Variants in CSMD1 observed in about 807,000 individuals in gnomAD.
The protein encoded by CSMD1 is CUB and sushi domain-containing protein 1.
CSMD1 carries 213 observed loss-of-function variants against 417.5 expected under a neutral mutation model. The observed-to-expected ratio is 0.51, with a 90% CI of 0.46 to 0.57. CSMD1 has a LOEUF of 0.57. Ranked by LOEUF, CSMD1 falls within the 20% of genes least tolerant of loss-of-function variation. CSMD1 has a pLI of 0.00. For missense variants in CSMD1, 6,923 were observed against 4,529.7 expected, an observed-to-expected ratio of 1.53 and a Z score of -15.17; for synonymous variants, 2,862 against 1,736.8, an observed-to-expected ratio of 1.65 and a Z score of -16.11.
intron 1 of CSMD1, among the ~76,000 whole-genome samples, chr8:4,911,114 T>C (rs1805642363): frequency 6.6e-6 from 1 of 152,214 alleles, no homozygotes; most frequent in South Asian, 2.1e-4. Context: ...GTAAGTCCAT[T>C]AAACCTCTTT....
intron 3 of CSMD1, among the ~76,000 whole-genome samples, chr8:4,057,667 G>A (rs565673731): frequency 8.9e-5 from 12 of 134,768 alleles, no homozygotes; most frequent in African/African-American, 2.1e-4. Context: ...ATAGTTTTAG[G>A]TGTAACGTTT....
At chr8:4,448,994 G>T (rs984164264) in intron 2 of CSMD1, among the ~76,000 whole-genome samples, 1 of 152,154 alleles carries the variant, frequency 6.6e-6, no homozygotes, top group East Asian at 1.9e-4. Flanking sequence ...ATAGTAGTCA[G>T]TATTATTTAT....
intron 7 of CSMD1, among the ~76,000 whole-genome samples, chr8:3,633,400 C>G (rs1056833759): frequency 3.0e-4 from 45 of 152,104 alleles, no homozygotes; most frequent in African/African-American, 9.9e-4. Context: ...GCAAACTAGG[C>G]AAGACTTCAC....
At chr8:4,046,358 A>C (rs747397937) in intron 3 of CSMD1, among the ~76,000 whole-genome samples, 4 of 152,190 alleles carry the variant, frequency 2.6e-5, no homozygotes, top group South Asian at 2.1e-4. Context: ...TTATCATTAT[A>C]AACACTTTAA....
At chr8:3,895,832 C>G (rs1047974182) in intron 5 of CSMD1, among the ~76,000 whole-genome samples, 2 of 152,190 alleles carry the variant, frequency 1.3e-5, no homozygotes, top group African/African-American at 2.4e-5. Context: ...ACAGCTCTGA[C>G]CTGGCTTGTT....
At chr8:4,970,594 A>G (rs1460980754) in intron 1 of CSMD1, among the ~76,000 whole-genome samples, 1 of 151,974 alleles carries the variant, frequency 6.6e-6, no homozygotes, top group Non-Finnish European at 1.5e-5. Context: ...TTTTTTTACC[A>G]GAAATATCTC....
intron 5 of CSMD1, among the ~76,000 whole-genome samples, chr8:3,820,271 G>C (rs1250662332): frequency 6.6e-6 from 1 of 152,186 alleles, no homozygotes; most frequent in Non-Finnish European, 1.5e-5. Context: ...TGGGAAGGTA[G>C]AAATATGTGT....
chr8:4,269,726 A>G (rs865851861), intron 3 of CSMD1, among the ~76,000 whole-genome samples: 26 of 152,138 alleles, frequency 1.7e-4, no homozygotes, highest in Admixed American at 6.5e-4. Context: ...TGAATTCTTA[A>G]TATTTACATT....
chr8:4,329,793 G>C (rs1417297728), intron 3 of CSMD1, among the ~76,000 whole-genome samples: 1 of 151,812 alleles, frequency 6.6e-6, no homozygotes, highest in African/African-American at 2.4e-5. Context: ...GTGAGCTTTT[G>C]CTCCAAGTTC....
intron 3 of CSMD1, among the ~76,000 whole-genome samples, chr8:4,330,411 T>C (rs1436818778): frequency 6.6e-6 from 1 of 151,968 alleles, no homozygotes; most frequent in Admixed American, 6.6e-5. Context: ...CTGACCAACA[T>C]GAAGAAATCC....
At chr8:3,415,949 C>T (rs575547703) in intron 12 of CSMD1, among the ~76,000 whole-genome samples, 2 of 152,104 alleles carry the variant, frequency 1.3e-5, no homozygotes. Flanking sequence ...ATTTTTGGCA[C>T]TTACAATGAG....
At chr8:4,882,611 G>C (rs1803485487) in intron 1 of CSMD1, among the ~76,000 whole-genome samples, 1 of 151,774 alleles carries the variant, frequency 6.6e-6, no homozygotes, top group Admixed American at 6.6e-5. Context: ...GATGCAATGA[G>C]GTATTCAACT....
intron 3 of CSMD1, among the ~76,000 whole-genome samples, chr8:4,316,394 T>G (rs563879455): frequency 2.9e-4 from 44 of 152,264 alleles, no homozygotes; most frequent in African/African-American, 1.0e-3. Context: ...TGTTAATTCT[T>G]GGACTTACCA....
rs114709876 is a variant in CSMD1 at position 3,997,257 on chromosome 8, A to G, written c.818+646T>C. On this transcript the variant is annotated intron_variant, in intron 5 of 69. Transcript: ENST00000635120. Reference sequence around the variant, plus strand: ...CTCTCAAATGGCACTTATGGACACAAACGATACTATTCTTGCAATCACGAC... The same window carrying G: ...CTCTCAAATGGCACTTATGGACACAGACGATACTATTCTTGCAATCACGAC... Among the ~76,000 whole-genome samples the G allele has an allele frequency of 7.9e-3, 1,210 of 152,356 alleles. 22 individuals are homozygous for G. Among genetic ancestry groups the G allele is most frequent in the African/African-American group, 0.028 (1,164 of 41,570 alleles).
intron 5 of CSMD1, among the ~76,000 whole-genome samples, chr8:3,884,475 C>T (rs1039886126): frequency 6.6e-6 from 1 of 152,168 alleles, no homozygotes; most frequent in Non-Finnish European, 1.5e-5. Flanking sequence ...CTGAGCAGGG[C>T]CCCGCAGTAG....
intron 26 of CSMD1, among the ~76,000 whole-genome samples, chr8:3,231,313 C>G (rs926629882): frequency 2.6e-5 from 4 of 152,052 alleles, no homozygotes; most frequent in Non-Finnish European, 5.9e-5. Context: ...CAATTAAAAG[C>G]TGACTTTTTC....
intron 5 of CSMD1, among the ~76,000 whole-genome samples, chr8:3,962,048 G>A (rs1479933426): frequency 6.6e-6 from 1 of 152,168 alleles, no homozygotes; most frequent in East Asian, 1.9e-4. Flanking sequence ...CTGGACATGT[G>A]AGAAGGTGCA....
intron 2 of CSMD1, among the ~76,000 whole-genome samples, chr8:4,436,443 G>A (rs1798153691): frequency 6.6e-6 from 1 of 151,946 alleles, no homozygotes; most frequent in Non-Finnish European, 1.5e-5. Flanking sequence ...TGGGGTACAT[G>A]GCATGTTTTG....
intron 4 of CSMD1, among the ~76,000 whole-genome samples, chr8:4,002,326 A>C (rs1264318166): frequency 1.3e-5 from 2 of 152,094 alleles, no homozygotes; most frequent in Non-Finnish European, 2.9e-5. Context: ...TTTAACTCTT[A>C]ATTTCTCCGC....
Sources: gnomAD v4.1 joint callset for allele counts (sites outside exome capture counted in the v4.1 genomes callset) on GRCh38, gnomAD v4.1.1 for gene constraint, MANE v1.5 for transcripts, NCBI Gene and HGNC (gene_info 2026-07-23, HGNC 2026-07-21) for gene names.